The following SEMA4A variants were observed in gnomAD, a reference collection of about 807,000 sequenced individuals.
SEMA4A encodes semaphorin-4A.
SEMA4A carries 52 observed loss-of-function variants against 72.5 expected under a neutral mutation model. The observed-to-expected ratio is 0.72, with a 90% CI of 0.57 to 0.90. SEMA4A has a LOEUF of 0.90. Among genes scored for constraint, SEMA4A ranks in the 40% least tolerant of loss-of-function variants. SEMA4A has a pLI of 0.00. For synonymous variants in SEMA4A, 369 were observed against 393.1 expected, an observed-to-expected ratio of 0.94 and a Z score of 0.73; for missense variants, 926 against 959.7, an observed-to-expected ratio of 0.96 and a Z score of 0.46.
Position 156,158,447 on chromosome 1 carries a change from C to T in SEMA4A, c.423C>T (p.Thr141=), listed in dbSNP as rs748509696. The T allele has an allele frequency of 6.2e-7, 1 of 1,614,078 alleles. No individual in the cohort carries two copies. Among genetic ancestry groups the T allele is most frequent in the Non-Finnish European group, 8.5e-7 (1 of 1,179,962 alleles). Residue 141 remains threonine, a synonymous_variant, in exon 5 of 15, where the codon ACC becomes ACT. Coordinates refer to ENST00000368285, the MANE Select transcript of SEMA4A (RefSeq NM_022367.4). ...CTTACAATGTCACCCATCTCTACACCTGCGGCACCTTCGCCTTCAGCCCTG... is the reference window on the plus strand; with the variant it reads ...CTTACAATGTCACCCATCTCTACACTTGCGGCACCTTCGCCTTCAGCCCTG... The part of the protein sequence containing the change: ...LVSYNVTHLY[T]CGTFAFSPAC...
rs1056030646 is a variant in SEMA4A at position 156,174,926 on chromosome 1, C to T, written c.1420C>T (p.Leu474=). ...CCCTGAACCTGTTCGCAACCTGCAG[C>T]TGGCCCCCACCCAGGTGGGAAGGGA... The part of the protein sequence containing the change: ...PDPEPVRNLQ[L]APTQGAVFVG... Residue 474 remains leucine (L), a synonymous_variant, in exon 12 of 15, where the codon CTG becomes TTG. Transcript: ENST00000368285. The T allele has an allele frequency of 6.2e-6, 10 of 1,614,124 alleles. No individual in the cohort carries two copies. Among genetic ancestry groups the T allele is most frequent in the Middle Eastern group, 1.6e-4 (1 of 6,084 alleles).
chr1:156,159,390 C>T (rs1653367164), intron 6 of SEMA4A, among the ~76,000 whole-genome samples: 2 of 152,034 alleles, frequency 1.3e-5, no homozygotes, highest in South Asian at 4.2e-4. Flanking sequence ...AGCCAGAAGC[C>T]TCAGAACACA....
At chr1:156,156,675 AT>A in intron 3 of SEMA4A, 101 bp downstream of exon 3, 1 of 1,099,526 alleles carries the variant, frequency 9.1e-7, no homozygotes, top group Non-Finnish European at 1.4e-6. Flanking sequence ...AGTTGCTGTT[AT>A]CTGTAATCAG....
intron 10 of SEMA4A, among the ~76,000 whole-genome samples, chr1:156,167,059 C>G (rs1654235549): frequency 6.6e-6 from 1 of 152,050 alleles, no homozygotes; most frequent in African/African-American, 2.4e-5. Flanking sequence ...CACCACCACA[C>G]CCAGTTAATT....
At chr1:156,173,081 T>G in intron 11 of SEMA4A, 75 bp downstream of exon 11, 4 of 1,411,450 alleles carry the variant, frequency 2.8e-6, no homozygotes, top group Middle Eastern at 1.8e-4. Flanking sequence ...GGGAAACCCT[T>G]GAGTTCATTC....
At chr1:156,163,710 G>C (rs1253828418) in intron 10 of SEMA4A, among the ~76,000 whole-genome samples, 1 of 101,204 alleles carries the variant, frequency 9.9e-6, no homozygotes, top group Admixed American at 1.6e-4. Context: ...GAAAGAGTGA[G>C]ACTCAGTCTC....
intron 14 of SEMA4A, among the ~76,000 whole-genome samples, chr1:156,176,033 C>T (rs1313439443): frequency 6.6e-6 from 1 of 152,098 alleles, no homozygotes; most frequent in Non-Finnish European, 1.5e-5. Flanking sequence ...AATACCAGCA[C>T]TTTGAGAGGC....
chr1:156,156,138 C>T (rs1186211499), intron 2 of SEMA4A: 2 of 441,476 alleles, frequency 4.5e-6, no homozygotes, highest in Non-Finnish European at 8.6e-6. Flanking sequence ...CCTCCCTGTC[C>T]CAGGCCTGGA....
intron 10 of SEMA4A, among the ~76,000 whole-genome samples, chr1:156,166,172 G>T (rs1222618668): frequency 6.6e-6 from 1 of 152,056 alleles, no homozygotes; most frequent in African/African-American, 2.4e-5. Flanking sequence ...TTCTCAAAGT[G>T]CTGGGATTAC....
In SEMA4A at chr1:156,177,448, A is replaced by C; in HGVS notation, c.*451A>C. On this transcript the variant is annotated 3_prime_UTR_variant, in exon 15 of 15. Coordinates refer to ENST00000368285, the MANE Select transcript of SEMA4A (RefSeq NM_022367.4). ...CTCTGAAGCTGCCGCTTTGGACACCAACACTCCCTTCTCCCAGGGTCATGC... is the reference window on the plus strand; with the variant it reads ...CTCTGAAGCTGCCGCTTTGGACACCCACACTCCCTTCTCCCAGGGTCATGC... 1 of 269,386 alleles carries C rather than the reference A, an allele frequency of 3.7e-6. No individual in the cohort carries two copies. Among genetic ancestry groups the C allele is most frequent in the South Asian group, 4.1e-5 (1 of 24,518 alleles). 16.7% of individuals were successfully genotyped at this position (269,386 alleles called of 1,614,324 possible). A position where few individuals can be genotyped will look rare whatever the true frequency, so the allele number is the denominator to read the frequency against.
chr1:156,166,671 G>T (rs942092958), intron 10 of SEMA4A, among the ~76,000 whole-genome samples: 2 of 152,172 alleles, frequency 1.3e-5, no homozygotes. Flanking sequence ...GCTGACACCT[G>T]TAATCTCAGC....
Position 156,175,213 on chromosome 1 carries a change from G to A in SEMA4A, c.1562G>A (p.Arg521Gln), listed in dbSNP as rs148674059. The A allele has an allele frequency of 5.2e-5, 84 of 1,613,454 alleles. No individual in the cohort carries two copies. Among genetic ancestry groups the A allele is most frequent in the Non-Finnish European group, 6.9e-5 (81 of 1,179,728 alleles). ...CACTGTGCCTGGGACCCTGAGTCCC[G>A]AACCTGTTGCCTCCTGTCTGCCCCC... is the stretch of plus-strand genomic sequence containing the variant. The part of the protein sequence containing the change: ...DPHCAWDPES[R>Q]TCCLLSAPNL... Residue 521 changes from arginine (R) to glutamine (Q), a missense_variant, in exon 13 of 15, where the codon CGA (arginine) becomes CAA (glutamine). By Grantham distance (43) the Arg-to-Gln change is conservative. Transcript: ENST00000368285.
chr1:156,175,336 T>C, intron 13 of SEMA4A, 93 bp downstream of exon 13: 1 of 1,437,844 alleles, frequency 7.0e-7, no homozygotes, highest in Non-Finnish European at 9.6e-7. Context: ...CAGGGGCTAC[T>C]GACATATTCA....
At chr1:156,170,650 A>G (rs1233764473) in intron 10 of SEMA4A, among the ~76,000 whole-genome samples, 2 of 150,926 alleles carry the variant, frequency 1.3e-5, no homozygotes, top group African/African-American at 2.4e-5. Context: ...GCTACTCGGG[A>G]GGCTGAGGCA....
At chr1:156,161,310 G>GGGGGGGGGGGGGGGGGGGCCCC in intron 8 of SEMA4A, 36 bp from the exon 9 acceptor site, 1 of 1,381,208 alleles carries the variant, frequency 7.2e-7, no homozygotes, top group Non-Finnish European at 9.7e-7. Context: ...GGGTCGGGGC[G>GGGGGGGGGGGGGGGGGGGCCCC]CCCGGGGCGC....
chr1:156,160,790 G>T, intron 7 of SEMA4A, 115 bp from the exon 8 acceptor site: 1 of 1,488,736 alleles, frequency 6.7e-7, no homozygotes, highest in Non-Finnish European at 9.3e-7. Context: ...CAAGCTGTGG[G>T]ACCCGAGGAA....
At chr1:156,158,878 G>A in intron 6 of SEMA4A, 54 bp downstream of exon 6, 1 of 1,428,956 alleles carries the variant, frequency 7.0e-7, no homozygotes, top group Non-Finnish European at 9.9e-7. Context: ...CAGTCACGCT[G>A]TGAAATATGG....
chr1:156,160,927 C>A lies in SEMA4A; in HGVS notation c.708C>A (p.Ala236=). The A allele has an allele frequency of 6.2e-7, 1 of 1,613,740 alleles. No homozygotes were observed. Among genetic ancestry groups the A allele is most frequent in the Non-Finnish European group, 8.5e-7 (1 of 1,179,940 alleles). The change falls in exon 8 of 15, where the codon GCC becomes GCA. Residue 236 remains alanine (A), a synonymous_variant. Coordinates refer to ENST00000368285, the MANE Select transcript of SEMA4A (RefSeq NM_022367.4). ...CAGATGACGCCTCCTTTGTGGCAGC[C>A]ATCCCTTCGACCCAGGTCGTCTACT... ...WLHHDASFVA[A]IPSTQVVYFF...
At chr1:156,162,921 A>G (rs1653795039) in intron 9 of SEMA4A, 23 bp from the exon 10 acceptor site, 7 of 1,612,722 alleles carry the variant, frequency 4.3e-6, no homozygotes, top group Middle Eastern at 2.0e-4. Flanking sequence ...ACCACAGACA[A>G]TGTTCCCTCT....
Sources: gnomAD v4.1 joint callset for allele counts (sites outside exome capture counted in the v4.1 genomes callset) on GRCh38, gnomAD v4.1.1 for gene constraint, MANE v1.5 for transcripts, NCBI Gene and HGNC (gene_info 2026-07-23, HGNC 2026-07-21) for gene names.